Variants in NTRK3 observed in about 807,000 individuals in gnomAD.
NTRK3 encodes the protein neurotrophic receptor tyrosine kinase 3, also known as NT-3 growth factor receptor.
A neutral mutation model predicts 91.7 loss-of-function variants in NTRK3; 24 were observed. That is an observed-to-expected ratio of 0.26 (90% CI 0.19 to 0.37). The LOEUF (loss-of-function observed/expected upper bound fraction) is 0.37. NTRK3 is among the 10% of genes least tolerant of loss of function. NTRK3 has a pLI of 1.00. For synonymous variants in NTRK3, 483 were observed against 404.0 expected (o/e 1.20, Z -2.34); for missense variants, 880 against 1,068.9 (o/e 0.82, Z 2.46).
At chr15:88,186,197 C>T (rs2151634702) in intron 3 of NTRK3, among the ~76,000 whole-genome samples, 1 of 152,354 alleles carries the variant, frequency 6.6e-6, no homozygotes, top group South Asian at 2.1e-4. Context: ...ACTCCAGCTT[C>T]CTACAAGGAT....
chr15:87,981,428 A>C, intron 14 of NTRK3: 1 of 1,611,620 alleles, frequency 6.2e-7, no homozygotes, highest in Non-Finnish European at 8.5e-7. Context: ...AAAACATGGG[A>C]AAGTATTTTT....
intron 13 of NTRK3, among the ~76,000 whole-genome samples, chr15:88,085,992 C>T (rs546036463): frequency 2.3e-4 from 35 of 152,260 alleles, no homozygotes; most frequent in African/African-American, 8.4e-4. Flanking sequence ...CCTAGGGCAT[C>T]GAGGCATCAC....
intron 13 of NTRK3, among the ~76,000 whole-genome samples, chr15:88,064,018 G>C (rs539521232): frequency 6.6e-6 from 1 of 152,150 alleles, no homozygotes; most frequent in Non-Finnish European, 1.5e-5. Flanking sequence ...GGATGAGATC[G>C]TACAGGGTTA....
At chr15:87,863,129 T>C in exon 19 of NTRK3, 1 of 230,796 alleles carries the variant, frequency 4.3e-6, no homozygotes, top group Non-Finnish European at 8.6e-6. Context: ...GTGTGTTTCT[T>C]TCTACTTCTC....
intron 17 of NTRK3, among the ~76,000 whole-genome samples, chr15:87,883,135 AC>A: frequency 6.6e-6 from 1 of 151,318 alleles, no homozygotes; most frequent in Non-Finnish European, 1.5e-5. Flanking sequence ...ATATGCATAT[AC>A]AGATATATAT....
chr15:88,037,369 C>T (rs1206348867), intron 13 of NTRK3, among the ~76,000 whole-genome samples: 1 of 152,132 alleles, frequency 6.6e-6, no homozygotes. Context: ...CGAGACCAGC[C>T]TGGCCAACAA....
At chr15:88,073,158 T>C (rs912227940) in intron 13 of NTRK3, among the ~76,000 whole-genome samples, 2 of 152,188 alleles carry the variant, frequency 1.3e-5, no homozygotes, top group African/African-American at 4.8e-5. Flanking sequence ...AGCATCAGCC[T>C]CACCTGGGAT....
In NTRK3 at chr15:88,032,016, C is replaced by A. The variant is rs1286653496; in HGVS notation, c.1585+841G>T. ...CACTTCTGTCCTTCCAGCTCTCAGG[C>A]AGGCATGGGTGTCCCTGTTCTCCAG... On this transcript the variant is annotated intron_variant, in intron 14 of 18. Coordinates refer to ENST00000394480, the Ensembl canonical transcript of NTRK3. 3.9e-5 allele frequency among the ~76,000 whole-genome samples: 6 copies of A among 152,310 alleles called. No homozygotes were observed. In the East Asian group the frequency reaches 5.8e-4, roughly 15 times the overall value.
chr15:88,077,679 A>C (rs935931817), intron 13 of NTRK3, among the ~76,000 whole-genome samples: 12 of 152,140 alleles, frequency 7.9e-5, no homozygotes, highest in Admixed American at 5.2e-4. Context: ...AATCATAAAT[A>C]ATGACAAGGA....
At chr15:88,154,254 A>G (rs761866916) in intron 5 of NTRK3, among the ~76,000 whole-genome samples, 2 of 152,150 alleles carry the variant, frequency 1.3e-5, no homozygotes, top group African/African-American at 2.4e-5. Flanking sequence ...CACCAGAGGT[A>G]TCTGCAGCCT....
exon 19 of NTRK3, chr15:87,876,278 A>C (rs571027031): frequency 4.3e-6 from 1 of 232,062 alleles, no homozygotes; most frequent in East Asian, 6.1e-5. Flanking sequence ...CAAAAGCATC[A>C]AGATTACACT....
rs576567044 is a variant in NTRK3 at position 87,929,525 on chromosome 15, C to T, written c.1890-91G>A. On this transcript the variant is annotated intron_variant, in intron 16 of 18. Transcript: ENST00000394480. ...CTGGGTCCCTGCCCTCTGGAATGCC[C>T]CACAGAAATAAATAAAATTTCCCTT... is the stretch of plus-strand genomic sequence containing the variant. The T allele has an allele frequency of 4.1e-6, 6 of 1,464,822 alleles. No homozygotes were observed. In the East Asian group the frequency reaches 1.2e-4, roughly 29 times the overall value. The allele number at this position is 1,464,822 out of a possible 1,614,324, so 90.7% of individuals were successfully genotyped here. A position where few individuals can be genotyped will look rare whatever the true frequency, so the allele number is the denominator to read the frequency against.
intron 13 of NTRK3, among the ~76,000 whole-genome samples, chr15:88,095,436 G>A (rs988429595): frequency 1.3e-5 from 2 of 152,142 alleles, no homozygotes; most frequent in Non-Finnish European, 2.9e-5. Context: ...ATTGAACCAT[G>A]GCTCACTTAC....
At chr15:87,985,380 T>TG (rs2074671295) in intron 14 of NTRK3, among the ~76,000 whole-genome samples, 3 of 152,192 alleles carry the variant, frequency 2.0e-5, no homozygotes, top group Non-Finnish European at 4.4e-5. Context: ...GTACATTTCA[T>TG]GGGGGAATAA....
exon 19 of NTRK3, chr15:87,862,195 G>T: frequency 4.5e-6 from 1 of 222,026 alleles, no homozygotes; most frequent in Non-Finnish European, 9.0e-6. Context: ...GTGAGCACTG[G>T]AATGAGATTC....
At chr15:87,964,858 C>T (rs1457804104) in intron 14 of NTRK3, among the ~76,000 whole-genome samples, 3 of 152,218 alleles carry the variant, frequency 2.0e-5, no homozygotes, top group Admixed American at 2.0e-4. Flanking sequence ...TCTATGGTTA[C>T]ACCACATTTT....
At chr15:88,117,971 A>C (rs2052290487) in intron 13 of NTRK3, among the ~76,000 whole-genome samples, 1 of 152,020 alleles carries the variant, frequency 6.6e-6, no homozygotes, top group Admixed American at 6.6e-5. Flanking sequence ...CCTGCAGTGC[A>C]CTCCTCTCTA....
At chr15:87,904,606 C>T (rs757627375) in intron 17 of NTRK3, among the ~76,000 whole-genome samples, 2 of 152,198 alleles carry the variant, frequency 1.3e-5, no homozygotes, top group Non-Finnish European at 2.9e-5. Flanking sequence ...CACTCATGAC[C>T]AGGTGCCCTT....
In NTRK3 at chr15:87,864,302, T is replaced by C. The variant is rs1596028415; in HGVS notation, c.*12633A>G. On this transcript the variant is annotated 3_prime_UTR_variant, in exon 19 of 19. Coordinates refer to ENST00000394480, the Ensembl canonical transcript of NTRK3. ...CACATCTGATAGAATTGGAGGAGCCTTTACTTTGGGATATGAATACAATCA... is the reference window on the plus strand; with the variant it reads ...CACATCTGATAGAATTGGAGGAGCCCTTACTTTGGGATATGAATACAATCA... The C allele has an allele frequency of 2.2e-5, 5 of 231,928 alleles. No homozygotes were observed. The South Asian group carries it at 7.3e-4, about 34-fold the overall frequency. 14.4% of individuals were successfully genotyped at this position (231,928 alleles called of 1,614,324 possible).
Sources: gnomAD v4.1 joint callset for allele counts (sites outside exome capture counted in the v4.1 genomes callset) on GRCh38, gnomAD v4.1.1 for gene constraint, MANE v1.5 for transcripts, NCBI Gene and HGNC (gene_info 2026-07-23, HGNC 2026-07-21) for gene names.